Variants in CHST15 observed in about 807,000 individuals in gnomAD.
CHST15 encodes the protein carbohydrate sulfotransferase 15.
A neutral mutation model predicts 53.6 loss-of-function variants in CHST15; 30 were observed. The observed-to-expected ratio is 0.56, with a 90% CI of 0.42 to 0.76. The LOEUF (loss-of-function observed/expected upper bound fraction) is 0.76, where lower values mean the gene tolerates loss of function less well. Ranked by LOEUF, CHST15 falls within the 30% of genes least tolerant of loss-of-function variation. The pLI, the probability that CHST15 is intolerant of heterozygous loss-of-function variation, is 0.00. For synonymous variants in CHST15, 296 were observed against 289.8 expected (o/e 1.02, Z -0.22); for missense variants, 627 against 740.5 (o/e 0.85, Z 1.78).
intron 6 of CHST15, among the ~76,000 whole-genome samples, chr10:124,012,774 T>C (rs9422313): frequency 0.26 from 40,058 of 152,086 alleles, 5,331 homozygotes; most frequent in Middle Eastern, 0.39. Context: ...AGGTCAAGGT[T>C]GTGGCCACCA....
At chr10:124,037,536 G>A (rs1314364405) in intron 5 of CHST15, among the ~76,000 whole-genome samples, 1 of 152,190 alleles carries the variant, frequency 6.6e-6, no homozygotes, top group East Asian at 1.9e-4. Flanking sequence ...TTAGACAGGT[G>A]CCCCCTTAGC....
At chr10:124,029,452 C>T (rs542856330) in intron 5 of CHST15, among the ~76,000 whole-genome samples, 3 of 152,318 alleles carry the variant, frequency 2.0e-5, no homozygotes, top group African/African-American at 7.2e-5. Flanking sequence ...CCTACCAGGC[C>T]CTAGGTTCCT....
At chr10:124,032,188 A>G (rs1479158532) in intron 5 of CHST15, among the ~76,000 whole-genome samples, 2 of 152,258 alleles carry the variant, frequency 1.3e-5, no homozygotes, top group African/African-American at 4.8e-5. Context: ...GATGAAGAAA[A>G]GAACTAGCCA....
intron 6 of CHST15, 23 bp from the exon 7 acceptor site, chr10:124,012,503 T>C: frequency 6.2e-7 from 1 of 1,600,082 alleles, no homozygotes; most frequent in African/African-American, 1.3e-5. Flanking sequence ...AAGAAGGGCA[T>C]TATTTCAGGA....
Position 124,045,832 on chromosome 10 carries a change from G to T in CHST15, c.381C>A (p.Asn127Lys), listed in dbSNP as rs767010892. ...PSNPSLMDSENPSDTKEHHHQ... is the reference protein window; with the variant it reads ...PSNPSLMDSEKPSDTKEHHHQ... ...GGTGATGCTCCTTTGTGTCACTTGG[G>T]TTTTCGCTGTCCATCAAGCTGGGGT... Residue 127 changes from asparagine to lysine, a missense_variant, in exon 2 of 8, where the codon AAC becomes AAA. Asn to Lys is a moderately conservative substitution (Grantham distance 94). This residue lies in a region of CHST15 where 187 missense variants were observed against 251.8 expected (regional missense o/e 0.74). Coordinates refer to ENST00000435907, the MANE Select transcript of CHST15 (RefSeq NM_001270764.2). The T allele has an allele frequency of 2.9e-5, 46 of 1,613,800 alleles. No individual in the cohort carries two copies. The highest frequency in any genetic ancestry group is 4.0e-5 in the African/African-American group (3 of 74,828).
At chr10:124,020,341 C>A in intron 6 of CHST15, 1 of 985,468 alleles carries the variant, frequency 1.0e-6, no homozygotes, top group Non-Finnish European at 1.2e-6. Context: ...AAAGTGTACT[C>A]CTCCTACCTG....
intron 1 of CHST15, among the ~76,000 whole-genome samples, chr10:124,068,561 C>T (rs967620486): frequency 6.6e-6 from 1 of 152,170 alleles, no homozygotes; most frequent in African/African-American, 2.4e-5. Context: ...TTTATTCCAG[C>T]GTCTCCTAGA....
In CHST15 at chr10:124,009,605, G is replaced by A. The variant is rs989349791; in HGVS notation, c.*544C>T. 2.0e-5 allele frequency: 20 copies of A among 990,046 alleles called. No individual in the cohort carries two copies. Among genetic ancestry groups the A allele is most frequent in the Non-Finnish European group, 2.3e-5 (19 of 832,604 alleles). 61.3% of individuals were successfully genotyped at this position (990,046 alleles called of 1,614,324 possible). Reference sequence around the variant, plus strand: ...GGTTCTCTGTCCCAGTGAGGTTAGCGATCGCAACAAGAGTGTTTCAGAAGT... The same window carrying A: ...GGTTCTCTGTCCCAGTGAGGTTAGCAATCGCAACAAGAGTGTTTCAGAAGT... On this transcript the variant is annotated 3_prime_UTR_variant, in exon 8 of 8. Coordinates refer to ENST00000435907, the MANE Select transcript of CHST15 (RefSeq NM_001270764.2).
In CHST15 at chr10:124,007,891, G is replaced by A; in HGVS notation, c.*2258C>T. ...CAATTTGCTTTGGTTTTGAATGGCA[G>A]GCTCGAGAACCACCGCCCAGAACGG... On this transcript the variant is annotated 3_prime_UTR_variant, in exon 8 of 8. Coordinates refer to ENST00000435907, the MANE Select transcript of CHST15 (RefSeq NM_001270764.2). 1 of 1,232,108 alleles carries A rather than the reference G, an allele frequency of 8.1e-7. No homozygotes were observed. Among genetic ancestry groups the A allele is most frequent in the Non-Finnish European group, 1.0e-6 (1 of 987,966 alleles). 76.3% of individuals were successfully genotyped at this position (1,232,108 alleles called of 1,614,324 possible).
At position 124,021,429 on chromosome 10, in the gene CHST15, T is replaced by C; in HGVS notation, c.1191-17A>G. The C allele has an allele frequency of 6.3e-7, 1 of 1,597,180 alleles. No individual in the cohort carries two copies. Among genetic ancestry groups the C allele is most frequent in the Non-Finnish European group, 8.6e-7 (1 of 1,168,264 alleles). On this transcript the variant is annotated splice_polypyrimidine_tract_variant and intron_variant, in intron 5 of 7. Transcript: ENST00000435907. The stretch of plus-strand genomic sequence containing the variant: ...GAGTACAACCTGTGAATAAAATAAA[T>C]GCATATTTTTACCACCCATGAACAT...
intron 5 of CHST15, among the ~76,000 whole-genome samples, chr10:124,033,079 A>T (rs1033454372): frequency 2.0e-5 from 3 of 152,178 alleles, no homozygotes; most frequent in Non-Finnish European, 4.4e-5. Context: ...GAACAGGGCT[A>T]ATGGCCCAGG....
At chr10:124,050,488 C>G (rs992747482) in intron 1 of CHST15, among the ~76,000 whole-genome samples, 2 of 152,166 alleles carry the variant, frequency 1.3e-5, no homozygotes, top group Non-Finnish European at 2.9e-5. Context: ...AGGGCTGTCC[C>G]GCGCACAGTA....
At chr10:124,065,569 AC>A (rs1948727884) in intron 1 of CHST15, among the ~76,000 whole-genome samples, 1 of 151,984 alleles carries the variant, frequency 6.6e-6, no homozygotes, top group Admixed American at 6.6e-5. Context: ...GGTTCCCGAC[AC>A]CCACAGAGAG....
At chr10:124,082,543 G>T (rs929841537) in intron 1 of CHST15, among the ~76,000 whole-genome samples, 4 of 152,080 alleles carry the variant, frequency 2.6e-5, no homozygotes, top group Non-Finnish European at 5.9e-5. Flanking sequence ...ATTATTAGAA[G>T]AAAGTGAAAA....
At chr10:124,091,450 G>C (rs187584404) in intron 1 of CHST15, among the ~76,000 whole-genome samples, 1 of 152,266 alleles carries the variant, frequency 6.6e-6, no homozygotes, top group Admixed American at 6.5e-5. Context: ...AGGGCCCCTC[G>C]GGGGTGCAGA....
At chr10:124,050,449 G>A (rs555736117) in intron 1 of CHST15, among the ~76,000 whole-genome samples, 11 of 152,332 alleles carry the variant, frequency 7.2e-5, no homozygotes, top group South Asian at 2.1e-4. Flanking sequence ...TCTTTGTGCC[G>A]TCCTAGGGCT....
At position 124,012,319 on chromosome 10, in the gene CHST15, C is replaced by G. The variant is rs748587003; in HGVS notation, c.1495+14G>C. The G allele has an allele frequency of 1.7e-5, 28 of 1,611,756 alleles. 1 individual carries two copies. In the South Asian group the frequency reaches 3.1e-4, roughly 18 times the overall value. ...TCATGCTTTGGCCCGTCAGTCTAAG[C>G]ACCACACTCATACCTAGGTTCAGAA... On this transcript the variant is annotated intron_variant, in intron 7 of 7. Coordinates refer to ENST00000435907, the MANE Select transcript of CHST15 (RefSeq NM_001270764.2).
At chr10:124,087,182 C>T (rs992460347) in intron 1 of CHST15, among the ~76,000 whole-genome samples, 2 of 152,146 alleles carry the variant, frequency 1.3e-5, no homozygotes, top group African/African-American at 2.4e-5. Flanking sequence ...AGGCTCTGGC[C>T]TCCTAGCAAA....
rs1195324491 is a variant in CHST15, at chr10:124,045,941, A to G, written c.272T>C (p.Leu91Ser). 6.2e-7 allele frequency: 1 copy of G among 1,614,094 alleles called. No individual in the cohort carries two copies. Residue 91 changes from leucine (L) to serine (S), a missense_variant, in exon 2 of 8, where the codon TTG becomes TCG. Transcript: ENST00000435907. ...SLVFGLIIMTLVMASYILSGA... is the reference protein window; with the variant it reads ...SLVFGLIIMTSVMASYILSGA... ...AGAAAGGATGTAAGAAGCCATTACCAAGGTCATTATTATCAGTCCAAAAAC... is the reference window on the plus strand; with the variant it reads ...AGAAAGGATGTAAGAAGCCATTACCGAGGTCATTATTATCAGTCCAAAAAC...
Sources: allele counts gnomAD v4.1 joint callset (sites outside exome capture counted in the v4.1 genomes callset), GRCh38; gene constraint gnomAD v4.1.1; regional missense constraint gnomAD v4.1.1; transcripts MANE v1.5; gene names NCBI Gene and HGNC (gene_info 2026-07-23, HGNC 2026-07-21).